Variants in RFTN1 observed in about 807,000 individuals in gnomAD.
RFTN1 encodes the protein raftlin.
A neutral mutation model predicts 46.5 loss-of-function variants in RFTN1; 26 were observed. That is an observed-to-expected ratio of 0.56 (90% CI 0.41 to 0.78). The LOEUF (loss-of-function observed/expected upper bound fraction) is 0.78, where lower values mean the gene tolerates loss of function less well. Ranked by LOEUF, RFTN1 falls within the 30% of genes least tolerant of loss-of-function variation. RFTN1 has a pLI of 0.00. For synonymous variants in RFTN1, 261 were observed against 284.2 expected (o/e 0.92, Z 0.82); for missense variants, 693 against 718.7 (o/e 0.96, Z 0.41).
chr3:16,358,280 C>T (rs1001804284), intron 6 of RFTN1, among the ~76,000 whole-genome samples: 6 of 152,178 alleles, frequency 3.9e-5, no homozygotes, highest in Non-Finnish European at 4.4e-5. Context: ...TTTATGAGCC[C>T]AAATTTCATT....
At chr3:16,359,516 G>C (rs2072692818) in intron 6 of RFTN1, among the ~76,000 whole-genome samples, 1 of 152,118 alleles carries the variant, frequency 6.6e-6, no homozygotes, top group Non-Finnish European at 1.5e-5. Context: ...AGAGAAACCA[G>C]AGCCCTCTCT....
chr3:16,505,216 TCTCCCTCCATC>T (rs1360035263), intron 1 of RFTN1, among the ~76,000 whole-genome samples: 1 of 152,158 alleles, frequency 6.6e-6, no homozygotes, highest in Non-Finnish European at 1.5e-5. Flanking sequence ...TCAGCCTCAA[TCTCCCTCCATC>T]CTCCCTCCTT....
At chr3:16,408,212 C>T (rs778624240) in intron 4 of RFTN1, among the ~76,000 whole-genome samples, 23 of 151,990 alleles carry the variant, frequency 1.5e-4, no homozygotes, top group Non-Finnish European at 2.9e-4. Flanking sequence ...CCGACCTGTC[C>T]GAGCACAGCC....
intron 6 of RFTN1, among the ~76,000 whole-genome samples, chr3:16,366,601 T>G (rs1396514473): frequency 1.3e-5 from 2 of 149,746 alleles, no homozygotes; most frequent in Admixed American, 6.6e-5. Flanking sequence ...CACCTCATGG[T>G]CCTTTTGTCT....
rs74739973 is a variant in RFTN1, at chr3:16,494,975, A to T, written c.-8-1098T>A. On this transcript the variant is annotated intron_variant, in intron 1 of 9. Transcript: ENST00000334133. ...ACCCAGCTTCCTAAGGCAATTTGGC[A>T]AGCTCCAGAAAAACAAACTGAACCT... is the stretch of plus-strand genomic sequence containing the variant. 5.0e-3 allele frequency among the ~76,000 whole-genome samples: 760 copies of T among 152,328 alleles called. 10 individuals are homozygous for T. Among genetic ancestry groups the T allele is most frequent in the Non-Finnish European group, 4.4e-3 (297 of 68,024 alleles).
At chr3:16,510,076 C>T (rs997645743) in intron 1 of RFTN1, among the ~76,000 whole-genome samples, 49 of 152,322 alleles carry the variant, frequency 3.2e-4, no homozygotes, top group Middle Eastern at 6.8e-3. Flanking sequence ...CCGAGGGGCA[C>T]AGGCCCATTT....
intron 8 of RFTN1, among the ~76,000 whole-genome samples, chr3:16,326,207 G>A (rs1008128062): frequency 2.0e-5 from 3 of 152,228 alleles, no homozygotes; most frequent in Non-Finnish European, 4.4e-5. Flanking sequence ...GCTGAGAGTG[G>A]ACAAATGAGC....
chr3:16,487,722 G>A (rs558569182), intron 2 of RFTN1, among the ~76,000 whole-genome samples: 9 of 152,292 alleles, frequency 5.9e-5, no homozygotes, highest in African/African-American at 1.7e-4. Context: ...AAACATAGTC[G>A]ATTTTCACAG....
chr3:16,330,142 A>G (rs1179867249), intron 7 of RFTN1, among the ~76,000 whole-genome samples: 1 of 152,190 alleles, frequency 6.6e-6, no homozygotes, highest in Non-Finnish European at 1.5e-5. Flanking sequence ...ACAACAAAAC[A>G]ACCCTGCTTG....
At position 16,351,833 on chromosome 3, in the gene RFTN1, C is replaced by T. The variant is rs540832873; in HGVS notation, c.1146+6099G>A. Among the ~76,000 whole-genome samples, 1 of 152,186 alleles carries T rather than the reference C, an allele frequency of 6.6e-6. No individual in the cohort carries two copies. Among genetic ancestry groups the T allele is most frequent in the South Asian group, 2.1e-4 (1 of 4,824 alleles). Reference sequence around the variant, plus strand: ...GCAAAGAACAATCACTAAAAAGTAACAACTGGCTGAATTAGGGGTGTGTTG... The same window carrying T: ...GCAAAGAACAATCACTAAAAAGTAATAACTGGCTGAATTAGGGGTGTGTTG... On this transcript the variant is annotated intron_variant, in intron 7 of 9. Coordinates refer to ENST00000334133, the MANE Select transcript of RFTN1 (RefSeq NM_015150.2). The surrounding 1 kb of genome is among the most constrained non-coding windows in gnomAD (Gnocchi z 5.4).
intron 1 of RFTN1, among the ~76,000 whole-genome samples, chr3:16,510,832 G>T (rs1018038223): frequency 2.0e-5 from 3 of 152,104 alleles, no homozygotes; most frequent in Non-Finnish European, 4.4e-5. Context: ...AAATGTTCAC[G>T]GCAGCTTTGT....
chr3:16,423,687 T>A (rs2075238301), intron 3 of RFTN1, among the ~76,000 whole-genome samples: 1 of 152,168 alleles, frequency 6.6e-6, no homozygotes, highest in Non-Finnish European at 1.5e-5. Flanking sequence ...AGAAATCATA[T>A]GAAGAAGTAC....
rs748726889 is a variant in RFTN1 at position 16,370,119 on chromosome 3, T to C, written c.987A>G (p.Gly329=). ...LEHMSDHFRK[G]GMLVNAVFYL... The stretch of plus-strand genomic sequence containing the variant: ...AGAAGACTGCGTTCACCAGCATGCC[T>C]CCTTTCCGGAAGTGGTCGCTCATGT... The change falls in exon 6 of 10, where the codon GGA becomes GGG. Residue 329 remains glycine (G), a synonymous_variant. Coordinates refer to ENST00000334133, the MANE Select transcript of RFTN1 (RefSeq NM_015150.2). The surrounding 1 kb of genome is among the most constrained non-coding windows in gnomAD (Gnocchi z 5.5). 5 of 1,614,214 alleles carry C rather than the reference T, an allele frequency of 3.1e-6. No individual in the cohort carries two copies. In the East Asian group the frequency reaches 1.1e-4, roughly 36 times the overall value.
In RFTN1 at chr3:16,465,228, A is replaced by C. The variant is rs911226323; in HGVS notation, c.145+28497T>G. Among the ~76,000 whole-genome samples the C allele has an allele frequency of 6.6e-6, 1 of 152,116 alleles. No individual in the cohort carries two copies. Among genetic ancestry groups the C allele is most frequent in the African/African-American group, 2.4e-5 (1 of 41,418 alleles). ...AGGATGCCACTTCAAGGTAAAAAAA[A>C]AAAAAGCCTTAGTATTTCATAGAGG... On this transcript the variant is annotated intron_variant, in intron 2 of 9. Coordinates refer to ENST00000334133, the MANE Select transcript of RFTN1 (RefSeq NM_015150.2). This position sits in a 1 kb window ranked among gnomAD's most constrained non-coding sequence, Gnocchi z 5.1.
intron 7 of RFTN1, among the ~76,000 whole-genome samples, chr3:16,331,070 G>C (rs1466878363): frequency 6.6e-6 from 1 of 152,206 alleles, no homozygotes; most frequent in African/African-American, 2.4e-5. Flanking sequence ...AAAGGTGCTT[G>C]AGACCACTTC....
chr3:16,394,600 T>G (rs1419781379), intron 4 of RFTN1, among the ~76,000 whole-genome samples: 1 of 152,206 alleles, frequency 6.6e-6, no homozygotes. Context: ...TTCAGGCTGT[T>G]GCTCCTGCTC....
rs1471695954 is a variant in RFTN1 at position 16,335,559 on chromosome 3, ACGG to A, written c.1147-8686_1147-8684del. Among the ~76,000 whole-genome samples the A allele has an allele frequency of 3.9e-5, 6 of 152,214 alleles. No individual in the cohort carries two copies. The highest frequency in any genetic ancestry group is 3.3e-4 in the Admixed American group (5 of 15,276). Reference sequence around the variant, plus strand: ...TCTCACTTACAAGTGGGAGAGCTGAACGGTGAAAACACATGTGAAAACACATGG... The same window carrying A: ...TCTCACTTACAAGTGGGAGAGCTGAATGAAAACACATGTGAAAACACATGG... On this transcript the variant is annotated intron_variant, in intron 7 of 9. Coordinates refer to ENST00000334133, the MANE Select transcript of RFTN1 (RefSeq NM_015150.2). This position sits in a 1 kb window ranked among gnomAD's most constrained non-coding sequence, Gnocchi z 4.7.
At position 16,348,336 on chromosome 3, in the gene RFTN1, C is replaced by T. The variant is rs549435696; in HGVS notation, c.1146+9596G>A. On this transcript the variant is annotated intron_variant, in intron 7 of 9. Coordinates refer to ENST00000334133, the MANE Select transcript of RFTN1 (RefSeq NM_015150.2). This position sits in a 1 kb window ranked among gnomAD's most constrained non-coding sequence, Gnocchi z 6.3. ...TATTGAAGGCATCTAGGAGATCATC[C>T]ACATTATCCAATATGTGTTCTAATT... 7.2e-5 allele frequency among the ~76,000 whole-genome samples: 11 copies of T among 151,870 alleles called. No homozygotes were observed. The East Asian group carries it at 1.9e-3, about 27-fold the overall frequency.
Position 16,448,931 on chromosome 3 carries a change from T to C in RFTN1, c.146-14894A>G, listed in dbSNP as rs1296340824. Among the ~76,000 whole-genome samples the C allele has an allele frequency of 6.6e-6, 1 of 152,156 alleles. No homozygotes were observed. The highest frequency in any genetic ancestry group is 1.5e-5 in the Non-Finnish European group (1 of 68,024). ...AGACAGTAGGCCCTCCAGTTGGTTGTGTTGAGTCCCTGGAAATGCTTTGTA... is the reference window on the plus strand; with the variant it reads ...AGACAGTAGGCCCTCCAGTTGGTTGCGTTGAGTCCCTGGAAATGCTTTGTA... On this transcript the variant is annotated intron_variant, in intron 2 of 9. Transcript: ENST00000334133. The surrounding 1 kb of genome is among the most constrained non-coding windows in gnomAD (Gnocchi z 4.1).
Sources: allele counts gnomAD v4.1 joint callset (sites outside exome capture counted in the v4.1 genomes callset), GRCh38; gene constraint gnomAD v4.1.1; non-coding constraint Gnocchi (gnomAD v3.1); transcripts MANE v1.5; gene names NCBI Gene and HGNC (gene_info 2026-07-23, HGNC 2026-07-21).